RIN3: variants seen among roughly 807,000 people sequenced by gnomAD.
RIN3 encodes the protein Ras and Rab interactor 3.
Under a neutral mutation model 76.3 loss-of-function variants are expected in RIN3, and 54 were observed. The observed-to-expected ratio is 0.71, with a 90% confidence interval of 0.57 to 0.89. RIN3 has a LOEUF of 0.89. Among genes scored for constraint, RIN3 ranks in the 40% least tolerant of loss-of-function variants. RIN3 has a pLI of 0.00. For missense variants in RIN3, 1,256 were observed against 1,322.1 expected (o/e 0.95, Z 0.78); for synonymous variants, 576 against 564.0 (o/e 1.02, Z -0.30).
chr14:92,672,528 C>T (rs544711623), intron 7 of RIN3, among the ~76,000 whole-genome samples: 9 of 152,332 alleles, frequency 5.9e-5, no homozygotes, highest in Non-Finnish European at 1.0e-4. Flanking sequence ...CACAAGACCT[C>T]CTGGTCGGCT....
At chr14:92,571,591 T>C (rs1898062974) in intron 2 of RIN3, among the ~76,000 whole-genome samples, 1 of 152,108 alleles carries the variant, frequency 6.6e-6, no homozygotes, top group South Asian at 2.1e-4. Context: ...TGTCCAATAA[T>C]TTGGACACTA....
At chr14:92,589,577 A>G (rs1040580724) in intron 3 of RIN3, among the ~76,000 whole-genome samples, 14 of 152,166 alleles carry the variant, frequency 9.2e-5, no homozygotes, top group Admixed American at 8.5e-4. Context: ...CTTTGCTTTC[A>G]TCAGTTGTGA....
intron 4 of RIN3, among the ~76,000 whole-genome samples, chr14:92,638,788 A>T (rs946580232): frequency 3.9e-5 from 6 of 152,160 alleles, no homozygotes; most frequent in African/African-American, 7.2e-5. Flanking sequence ...ATGACAGAAG[A>T]TGCCAACGTC....
At chr14:92,634,192 A>G (rs1054653264) in intron 4 of RIN3, among the ~76,000 whole-genome samples, 2 of 148,506 alleles carry the variant, frequency 1.3e-5, no homozygotes, top group African/African-American at 5.0e-5. Context: ...CTCCTGCCTC[A>G]GCCTCCCACA....
chr14:92,561,388 T>C (rs949946056), intron 2 of RIN3, among the ~76,000 whole-genome samples: 3 of 151,700 alleles, frequency 2.0e-5, no homozygotes, highest in African/African-American at 7.3e-5. Context: ...TGCAGCCTGC[T>C]TCTCTGATAA....
intron 3 of RIN3, among the ~76,000 whole-genome samples, chr14:92,610,202 C>T (rs1290966403): frequency 1.3e-5 from 2 of 152,010 alleles, no homozygotes; most frequent in East Asian, 1.9e-4. Context: ...GTACTCAATG[C>T]CACTGAACTG....
intron 7 of RIN3, among the ~76,000 whole-genome samples, chr14:92,659,755 T>C (rs889985890): frequency 6.6e-6 from 1 of 152,344 alleles, no homozygotes; most frequent in South Asian, 2.1e-4. Context: ...GTTAGTTTGC[T>C]AGGGCTGCTG....
chr14:92,633,866 TG>T (rs1410738678), intron 4 of RIN3, among the ~76,000 whole-genome samples: 6 of 151,564 alleles, frequency 4.0e-5, no homozygotes, highest in Non-Finnish European at 7.4e-5. Context: ...GGTGTGTGTG[TG>T]TGTGTGTGTG....
chr14:92,624,595 G>A (rs1040150019), intron 4 of RIN3, among the ~76,000 whole-genome samples: 5 of 152,120 alleles, frequency 3.3e-5, no homozygotes, highest in Non-Finnish European at 2.9e-5. Flanking sequence ...CATCTGCTTC[G>A]GAGGGGCAGA....
chr14:92,664,360 CTTTCTTTTTTTTT>C (rs1190049974), intron 7 of RIN3, among the ~76,000 whole-genome samples: 36 of 97,064 alleles, frequency 3.7e-4, no homozygotes, highest in Non-Finnish European at 1.6e-4. Flanking sequence ...TTCTTTCTTT[CTTTCTTTTTTTTT>C]TTTTTTTTTT....
chr14:92,684,982 C>T lies in RIN3; in HGVS notation c.2468-5C>T, dbSNP rs759328486. ...GGCTCAGATTCCACACCCTTGTCCA[C>T]GCAGGTTCCTACTATCTGACCACCA... On this transcript the variant is annotated splice_region_variant and splice_polypyrimidine_tract_variant and intron_variant, in intron 8 of 9. Coordinates refer to ENST00000216487, the MANE Select transcript of RIN3 (RefSeq NM_024832.5). 5.6e-6 allele frequency: 9 copies of T among 1,608,432 alleles called. No homozygotes were observed. Among genetic ancestry groups the T allele is most frequent in the Admixed American group, 5.0e-5 (3 of 59,902 alleles).
rs188908545 is a variant in RIN3 at position 92,530,327 on chromosome 14, A to G, written c.44+16351A>G. On this transcript the variant is annotated intron_variant, in intron 1 of 9. Coordinates refer to ENST00000216487, the MANE Select transcript of RIN3 (RefSeq NM_024832.5). ...GAAGTGTTCGAAAGGACAGTTTCCAAGAAAGGTAGTGGTCAATGCTAATAT... is the reference window on the plus strand; with the variant it reads ...GAAGTGTTCGAAAGGACAGTTTCCAGGAAAGGTAGTGGTCAATGCTAATAT... 2.6e-5 allele frequency among the ~76,000 whole-genome samples: 4 copies of G among 152,338 alleles called. No individual in the cohort carries two copies. The East Asian group carries it at 5.8e-4, about 22-fold the overall frequency.
At chr14:92,636,803 A>G (rs919675169) in intron 4 of RIN3, among the ~76,000 whole-genome samples, 3 of 152,326 alleles carry the variant, frequency 2.0e-5, no homozygotes, top group Admixed American at 2.0e-4. Flanking sequence ...TAATCCCAGC[A>G]CTTTGGGAGA....
In RIN3 at chr14:92,688,242, A is replaced by C. The variant is rs376900228; in HGVS notation, c.2948A>C (p.Asn983Thr). The C allele has an allele frequency of 6.3e-7, 1 of 1,588,420 alleles. No homozygotes were observed. Among genetic ancestry groups the C allele is most frequent in the Non-Finnish European group, 8.6e-7 (1 of 1,169,012 alleles). The change falls in exon 10 of 10, where the codon AAC becomes ACC. Residue 983 changes from asparagine (N) to threonine (T), a missense_variant. Physicochemically the swap from Asn to Thr is moderately conservative, Grantham distance 65. This residue lies in a region of RIN3 where 218 missense variants were observed against 174.5 expected (regional missense o/e 1.25). Transcript: ENST00000216487. ...SPPCLVVREPNFL is the reference protein window; with the variant it reads ...SPPCLVVREPTFL ...CCCTGCCTGGTGGTGCGGGAGCCCA[A>C]CTTCCTGTGAGGCCCTCCCGGGGCG...
At chr14:92,562,158 A>G (rs556559057) in intron 2 of RIN3, among the ~76,000 whole-genome samples, 52 of 152,372 alleles carry the variant, frequency 3.4e-4, no homozygotes, top group Non-Finnish European at 6.2e-4. Context: ...ATGTTCCTCC[A>G]CTAGGACTTG....
intron 1 of RIN3, among the ~76,000 whole-genome samples, chr14:92,518,190 A>G (rs1458879171): frequency 1.3e-5 from 2 of 152,248 alleles, no homozygotes; most frequent in Non-Finnish European, 1.5e-5. Context: ...TTGCCTAGCA[A>G]TTTGAAAGAA....
intron 1 of RIN3, among the ~76,000 whole-genome samples, chr14:92,546,779 G>A (rs10147664): frequency 0.29 from 43,358 of 151,692 alleles, 6,724 homozygotes; most frequent in Middle Eastern, 0.4. Flanking sequence ...GTTGGGGTGA[G>A]TAGGGCCTGT....
intron 3 of RIN3, among the ~76,000 whole-genome samples, chr14:92,583,713 T>C (rs1405291199): frequency 6.6e-6 from 1 of 152,222 alleles, no homozygotes; most frequent in East Asian, 1.9e-4. Flanking sequence ...TGGCACCAGC[T>C]TCATCCATGT....
intron 2 of RIN3, among the ~76,000 whole-genome samples, chr14:92,566,129 G>C (rs758651373): frequency 3.9e-5 from 6 of 152,182 alleles, no homozygotes; most frequent in Admixed American, 6.5e-5. Context: ...GGCTATGGTA[G>C]CTTCAGCCAT....
Sources: allele counts gnomAD v4.1 joint callset (sites outside exome capture counted in the v4.1 genomes callset), GRCh38; gene constraint gnomAD v4.1.1; regional missense constraint gnomAD v4.1.1; transcripts MANE v1.5; gene names NCBI Gene and HGNC (gene_info 2026-07-23, HGNC 2026-07-21).